Variants in CDC5L observed in about 807,000 individuals in gnomAD.
CDC5L encodes the protein cell division cycle 5-like protein.
A neutral mutation model predicts 104.1 loss-of-function variants in CDC5L; 18 were observed. The observed-to-expected ratio is 0.17, with a 90% CI of 0.12 to 0.26. The LOEUF (loss-of-function observed/expected upper bound fraction) is 0.26, where lower values mean the gene tolerates loss of function less well. Among genes scored for constraint, CDC5L ranks in the 10% least tolerant of loss-of-function variants. CDC5L has a pLI of 1.00. For synonymous variants in CDC5L, 331 were observed against 322.7 expected (o/e 1.03, Z -0.28); for missense variants, 673 against 956.9 (o/e 0.70, Z 3.91).
Position 44,389,105 on chromosome 6 carries a change from T to G in CDC5L, c.46-1163T>G, listed in dbSNP as rs539446453. On this transcript the variant is annotated intron_variant, in intron 1 of 15. Coordinates refer to ENST00000371477, the MANE Select transcript of CDC5L (RefSeq NM_001253.4). ...CTAGGACCTAGGACAGTAACCAACA[T>G]GAAGTAGGTTGCTCGACAGGTATTT... Among the ~76,000 whole-genome samples, 12 of 152,200 alleles carry G rather than the reference T, an allele frequency of 7.9e-5. No homozygotes were observed. In the South Asian group the frequency reaches 2.5e-3, roughly 32 times the overall value.
chr6:44,397,391 T>A (rs1330323100), intron 5 of CDC5L, among the ~76,000 whole-genome samples: 1 of 152,270 alleles, frequency 6.6e-6, no homozygotes, highest in Admixed American at 6.5e-5. Flanking sequence ...GAATAATAAT[T>A]GGAATTGTCC....
rs1333808089 is a variant in CDC5L at position 44,422,693 on chromosome 6, A to T, written c.1288A>T (p.Thr430Ser). 1 of 1,613,148 alleles carries T rather than the reference A, an allele frequency of 6.2e-7. No homozygotes were observed. Among genetic ancestry groups the T allele is most frequent in the African/African-American group, 1.3e-5 (1 of 74,970 alleles). ...AEGLTPRSGTTPKPVINSTPG... is the reference protein window; with the variant it reads ...AEGLTPRSGTSPKPVINSTPG... Reference sequence around the variant, plus strand: ...AGGGCTGACTCCCCGGAGTGGAACAACTCCCAAACCAGTTATTAACTCTAC... The same window carrying T: ...AGGGCTGACTCCCCGGAGTGGAACATCTCCCAAACCAGTTATTAACTCTAC... The change falls in exon 10 of 16, where the codon ACT becomes TCT. Residue 430 changes from threonine (T) to serine (S), a missense_variant. This residue lies in a region of CDC5L where 578 missense variants were observed against 737.0 expected (regional missense o/e 0.78). Coordinates refer to ENST00000371477, the MANE Select transcript of CDC5L (RefSeq NM_001253.4).
At chr6:44,412,391 A>T (rs1791685059) in intron 8 of CDC5L, among the ~76,000 whole-genome samples, 1 of 150,978 alleles carries the variant, frequency 6.6e-6, no homozygotes, top group Non-Finnish European at 1.5e-5. Flanking sequence ...GTGCCCAGAC[A>T]GTTTTTTTAC....
chr6:44,407,480 C>A (rs962519328), intron 7 of CDC5L, among the ~76,000 whole-genome samples: 4 of 152,198 alleles, frequency 2.6e-5, no homozygotes, highest in African/African-American at 9.7e-5. Context: ...GCGTGCGCCA[C>A]CATGCCCCGC....
At chr6:44,398,518 A>C (rs1015293296) in intron 5 of CDC5L, among the ~76,000 whole-genome samples, 5 of 152,254 alleles carry the variant, frequency 3.3e-5, no homozygotes, top group African/African-American at 1.2e-4. Context: ...ACAGGCTGGA[A>C]TGGCCTCTAT....
In CDC5L at chr6:44,390,351, A is replaced by C. The variant is rs757317970; in HGVS notation, c.129A>C (p.Ala43=). ...RIASLLHRKS[A]KQCKARWYEW... ...CCTCATTGCTGCATAGAAAATCAGC[A>C]AAGCAGTGCAAAGCCAGATGGTATG... Residue 43 remains alanine (A), a synonymous_variant, in exon 2 of 16, where the codon GCA becomes GCC. Transcript: ENST00000371477. 3 of 1,608,658 alleles carry C rather than the reference A, an allele frequency of 1.9e-6. No homozygotes were observed. The highest frequency in any genetic ancestry group is 2.6e-6 in the Non-Finnish European group (3 of 1,175,438).
intron 11 of CDC5L, 106 bp from the exon 12 acceptor site, chr6:44,425,997 T>C (rs894601683): frequency 6.2e-6 from 4 of 644,062 alleles, no homozygotes; most frequent in African/African-American, 3.7e-5. Context: ...TTCTAAACTT[T>C]AGCTATTGAA....
chr6:44,444,660 C>T (rs563528552), intron 14 of CDC5L, among the ~76,000 whole-genome samples: 1 of 152,174 alleles, frequency 6.6e-6, no homozygotes, highest in Non-Finnish European at 1.5e-5. Flanking sequence ...AGACTCTTTT[C>T]TTCACTGCTC....
At chr6:44,445,605 A>G in intron 14 of CDC5L, 50 bp from the exon 15 acceptor site, 2 of 1,375,658 alleles carry the variant, frequency 1.5e-6, no homozygotes, top group Non-Finnish European at 2.0e-6. Context: ...CTGTTATTTA[A>G]TAGCCTGCTT....
intron 14 of CDC5L, among the ~76,000 whole-genome samples, chr6:44,432,074 A>T (rs886756657): frequency 5.9e-5 from 9 of 152,180 alleles, no homozygotes; most frequent in Non-Finnish European, 2.9e-5. Flanking sequence ...GAAATCTTTT[A>T]AAAAAAGAAA....
At chr6:44,406,488 T>A in intron 7 of CDC5L, 21 bp downstream of exon 7, 1 of 1,592,256 alleles carries the variant, frequency 6.3e-7, no homozygotes, top group Non-Finnish European at 8.5e-7. Flanking sequence ...AAAAGCAAAT[T>A]TTTCACTATG....
chr6:44,426,589 C>A lies in CDC5L; in HGVS notation c.1758C>A (p.Asp586Glu). Residue 586 changes from aspartate to glutamate, a missense_variant, in exon 13 of 16, where the codon GAC becomes GAA. By Grantham distance (45) the Asp-to-Glu change is conservative. This residue lies in a region of CDC5L where 578 missense variants were observed against 737.0 expected (regional missense o/e 0.78). Coordinates refer to ENST00000371477, the MANE Select transcript of CDC5L (RefSeq NM_001253.4). Reference sequence around the variant, plus strand: ...AAATGATCACAATGCTTCATTATGACCTTCTACATCACCCTTATGAACCAT... The same window carrying A: ...AAATGATCACAATGCTTCATTATGAACTTCTACATCACCCTTATGAACCAT... Reference protein sequence around the residue: ...KKEMITMLHYDLLHHPYEPSG... With the variant: ...KKEMITMLHYELLHHPYEPSG... 1 of 1,613,262 alleles carries A rather than the reference C, an allele frequency of 6.2e-7. No individual in the cohort carries two copies. The highest frequency in any genetic ancestry group is 1.1e-5 in the South Asian group (1 of 91,062).
At chr6:44,396,523 G>GT in intron 5 of CDC5L, 83 bp downstream of exon 5, 8 of 804,868 alleles carry the variant, frequency 9.9e-6, no homozygotes, top group South Asian at 1.8e-5. Context: ...CCAGATATGT[G>GT]GTTTTTTTTT....
intron 1 of CDC5L, among the ~76,000 whole-genome samples, chr6:44,388,631 TC>T (rs1471878170): frequency 6.6e-6 from 1 of 152,136 alleles, no homozygotes; most frequent in Non-Finnish European, 1.5e-5. Flanking sequence ...GCACATCATG[TC>T]TTTTCATGCT....
intron 2 of CDC5L, 91 bp downstream of exon 2, chr6:44,390,462 A>C (rs527993121): frequency 2.5e-6 from 2 of 815,116 alleles, no homozygotes; most frequent in South Asian, 3.3e-5. Flanking sequence ...CAAAGAAAGC[A>C]GACATTGTAA....
chr6:44,407,427 A>G (rs1043410275), intron 7 of CDC5L, among the ~76,000 whole-genome samples: 7 of 152,012 alleles, frequency 4.6e-5, no homozygotes, highest in African/African-American at 1.7e-4. Flanking sequence ...TCCGCGTTCA[A>G]GCGATTCTCC....
Position 44,392,649 on chromosome 6 carries a change from A to G in CDC5L, c.150-18A>G, listed in dbSNP as rs1355283073. The G allele has an allele frequency of 1.2e-6, 2 of 1,607,074 alleles. No homozygotes were observed. The highest frequency in any genetic ancestry group is 3.4e-5 in the Admixed American group (2 of 59,610). ...GCCAGGTAACTGATTAATATATAAA[A>G]TGATCTATGTTTAATAGGTATGAAT... is the stretch of plus-strand genomic sequence containing the variant. On this transcript the variant is annotated intron_variant, in intron 2 of 15. Coordinates refer to ENST00000371477, the MANE Select transcript of CDC5L (RefSeq NM_001253.4).
intron 9 of CDC5L, 142 bp from the exon 10 acceptor site, chr6:44,422,505 C>T: frequency 1.6e-6 from 1 of 606,346 alleles, no homozygotes; most frequent in Non-Finnish European, 2.8e-6. Context: ...GAGATCCTAA[C>T]AAAACCAGCT....
intron 4 of CDC5L, 104 bp from the exon 5 acceptor site, chr6:44,396,237 G>GT (rs1258016649): frequency 2.7e-5 from 17 of 626,900 alleles, no homozygotes; most frequent in South Asian, 2.5e-4. Context: ...GTATTTTTAT[G>GT]TTTTTTTCTC....
Sources: allele counts gnomAD v4.1 joint callset (sites outside exome capture counted in the v4.1 genomes callset), GRCh38; gene constraint gnomAD v4.1.1; regional missense constraint gnomAD v4.1.1; transcripts MANE v1.5; gene names NCBI Gene and HGNC (gene_info 2026-07-23, HGNC 2026-07-21).